MAGEC3: variants seen among roughly 807,000 people sequenced by gnomAD.
MAGEC3 encodes the protein melanoma-associated antigen C3.
A neutral mutation model predicts 35.3 loss-of-function variants in MAGEC3; 34 were observed. That is an observed-to-expected ratio of 0.96 (90% CI 0.73 to 1.28). The LOEUF (loss-of-function observed/expected upper bound fraction) is 1.28. Among genes scored for constraint, MAGEC3 ranks in the 50% most tolerant of loss-of-function variants. The pLI is 0.00. For synonymous variants in MAGEC3, 202 were observed against 185.6 expected, an observed-to-expected ratio of 1.09 and a Z score of -0.72; for missense variants, 561 against 483.6, an observed-to-expected ratio of 1.16 and a Z score of -1.50.
chrX:141,860,904 C>G (rs1306207941), intron 1 of MAGEC3, among the ~76,000 whole-genome samples: 5 of 111,467 alleles, frequency 4.5e-5, no homozygotes, highest in Non-Finnish European at 7.5e-5. Context: ...TGTGAATGTA[C>G]TTAGTGCCAT....
chrX:141,886,877 G>A (rs373347935), intron 4 of MAGEC3, among the ~76,000 whole-genome samples: 13 of 111,713 alleles, frequency 1.2e-4, no homozygotes, highest in East Asian at 1.1e-3. Context: ...AAACAATATC[G>A]CATCCCTGGA....
intron 4 of MAGEC3, among the ~76,000 whole-genome samples, chrX:141,892,996 A>G (rs2018054159): frequency 8.9e-6 from 1 of 112,481 alleles, no homozygotes; most frequent in South Asian, 3.6e-4. Flanking sequence ...AAACCCAATC[A>G]TAAGAAAACA....
chrX:141,884,325 T>C (rs2017986861), intron 4 of MAGEC3, among the ~76,000 whole-genome samples: 1 of 111,980 alleles, frequency 8.9e-6, no homozygotes, highest in Non-Finnish European at 1.9e-5. Context: ...TTTTTTTTCC[T>C]GTGCTGGATG....
intron 1 of MAGEC3, among the ~76,000 whole-genome samples, chrX:141,848,932 G>C (rs1163129306): frequency 9.0e-6 from 1 of 110,852 alleles, no homozygotes; most frequent in Non-Finnish European, 1.9e-5. Context: ...CCCATAAATG[G>C]ATACACCTAA....
chrX:141,869,985 G>T (rs1026654780), intron 2 of MAGEC3, among the ~76,000 whole-genome samples: 1 of 110,965 alleles, frequency 9.0e-6, no homozygotes, highest in African/African-American at 3.3e-5. Context: ...ATGCTTCAGG[G>T]GCCCTGTGCA....
chrX:141,868,921 A>G (rs1383928459), intron 2 of MAGEC3, among the ~76,000 whole-genome samples: 1 of 107,980 alleles, frequency 9.3e-6, no homozygotes, highest in Admixed American at 1.0e-4. Context: ...TCGCTCTTTC[A>G]CCCAGGCGGG....
Position 141,895,388 on chromosome X carries a change from A to G in MAGEC3, c.1029A>G (p.Leu343=). Residue 343 remains leucine, a synonymous_variant, in exon 5 of 8, where the codon TTA becomes TTG. Transcript: ENST00000298296. ...SGLRSAEGSV[L]DLANPQGLAG... ...TCAGGTCAGCAGAGGGAAGCGTCTTAGACCTGGCCAATCCTCAAGGTAAGG... is the reference window on the plus strand; with the variant it reads ...TCAGGTCAGCAGAGGGAAGCGTCTTGGACCTGGCCAATCCTCAAGGTAAGG... The G allele has an allele frequency of 1.7e-6, 2 of 1,211,017 alleles. No individual in the cohort carries two copies. The highest frequency in any genetic ancestry group is 2.2e-6 in the Non-Finnish European group (2 of 895,278).
chrX:141,878,300 G>A (rs2017933305), intron 2 of MAGEC3, among the ~76,000 whole-genome samples: 1 of 112,259 alleles, frequency 8.9e-6, no homozygotes, highest in Non-Finnish European at 1.9e-5. Context: ...CACTGATGAT[G>A]TTAACTTGAT....
chrX:141,870,384 G>C (rs1009688125), intron 2 of MAGEC3, among the ~76,000 whole-genome samples: 1 of 111,275 alleles, frequency 9.0e-6, no homozygotes, highest in African/African-American at 3.3e-5. Context: ...TTGCTAAAGA[G>C]TAGATTAGCA....
At chrX:141,841,998 A>G (rs2017688771) in intron 1 of MAGEC3, among the ~76,000 whole-genome samples, 1 of 111,658 alleles carries the variant, frequency 9.0e-6, no homozygotes, top group South Asian at 3.7e-4. Context: ...GAAAATGCCT[A>G]AATATTTCTA....
intron 4 of MAGEC3, among the ~76,000 whole-genome samples, chrX:141,882,518 G>C (rs1231769452): frequency 8.9e-6 from 1 of 112,020 alleles, no homozygotes; most frequent in Non-Finnish European, 1.9e-5. Flanking sequence ...TAAGAACTCA[G>C]CAGTTAAATA....
chrX:141,896,761 G>A (rs1418887141), intron 6 of MAGEC3, 121 bp from the exon 7 acceptor site: 3 of 1,209,121 alleles, frequency 2.5e-6, no homozygotes, highest in Non-Finnish European at 3.4e-6. Flanking sequence ...TGAGGAGGAG[G>A]AGGATGCCTC....
chrX:141,851,325 C>T (rs1479081147), intron 1 of MAGEC3, among the ~76,000 whole-genome samples: 2 of 109,456 alleles, frequency 1.8e-5, no homozygotes, highest in Non-Finnish European at 3.8e-5. Flanking sequence ...GTGCTACACT[C>T]CTTGTTTGGC....
Position 141,891,116 on chromosome X carries a change from G to A in MAGEC3, c.910-4153G>A, listed in dbSNP as rs149828530. 7.4e-3 allele frequency among the ~76,000 whole-genome samples: 825 copies of A among 111,416 alleles called. 5 individuals carry two copies. Among genetic ancestry groups the A allele is most frequent in the African/African-American group, 0.026 (791 of 30,618 alleles). On this transcript the variant is annotated intron_variant, in intron 4 of 7. Transcript: ENST00000298296. ...TTGGCTTGCAGATGGCCACCTTCTC[G>A]CTGAATTTTTACATGATTGTCCCTC...
At chrX:141,881,850 T>C (rs982512238) in intron 4 of MAGEC3, 54 bp downstream of exon 4, 1 of 1,195,049 alleles carries the variant, frequency 8.4e-7, no homozygotes, top group African/African-American at 1.8e-5. Flanking sequence ...AGCTTGTCAC[T>C]AAAGTTTGAG....
At chrX:141,869,837 T>G (rs1025073024) in intron 2 of MAGEC3, among the ~76,000 whole-genome samples, 4 of 112,204 alleles carry the variant, frequency 3.6e-5, no homozygotes, top group Admixed American at 9.5e-5. Context: ...TAGCACATAT[T>G]TGGACACGAG....
intron 4 of MAGEC3, among the ~76,000 whole-genome samples, chrX:141,882,496 C>A (rs1310485110): frequency 9.0e-6 from 1 of 111,616 alleles, no homozygotes; most frequent in African/African-American, 3.3e-5. Flanking sequence ...TAGGAATTTT[C>A]TTTAAATTAT....
chrX:141,861,314 G>T (rs2017813615), intron 1 of MAGEC3, among the ~76,000 whole-genome samples: 1 of 111,441 alleles, frequency 9.0e-6, no homozygotes, highest in South Asian at 3.7e-4. Context: ...GACATCCCAT[G>T]CTCATGCACC....
intron 4 of MAGEC3, chrX:141,894,869 T>G (rs1221407143): frequency 5.3e-4 from 301 of 567,215 alleles, no homozygotes; most frequent in African/African-American, 2.6e-3. Context: ...CAGGTGGGAG[T>G]GGGGAGGTAG....
Sources: gnomAD v4.1 joint callset for allele counts (sites outside exome capture counted in the v4.1 genomes callset) on GRCh38, gnomAD v4.1.1 for gene constraint, MANE v1.5 for transcripts, NCBI Gene and HGNC (gene_info 2026-07-23, HGNC 2026-07-21) for gene names.